Variants in GPR108 observed in about 807,000 individuals in gnomAD.
The protein encoded by GPR108 is protein GPR108.
In GPR108, 60 loss-of-function variants were observed where a neutral mutation model predicts 74.3. The observed-to-expected ratio is 0.81, with a 90% CI of 0.66 to 1.00. The LOEUF (loss-of-function observed/expected upper bound fraction) is 1.00, where lower values mean the gene tolerates loss of function less well. Ranked by LOEUF, GPR108 falls within the 50% of genes least tolerant of loss-of-function variation. The pLI is 0.00. For missense variants in GPR108, 667 were observed against 703.3 expected (o/e 0.95, Z 0.58); for synonymous variants, 311 against 292.4 (o/e 1.06, Z -0.65).
chr19:6,737,260 A>AGGCGGACCCGGCAACTCCATCC (rs1335366020), intron 1 of GPR108, 197 bp downstream of exon 1: 1 of 647,558 alleles, frequency 1.5e-6, no homozygotes, highest in Non-Finnish European at 2.5e-6. Context: ...GACCCCAGCG[A>AGGCGGACCCGGCAACTCCATCC]GGCGGACCCG....
rs533645688 is a variant in GPR108 at position 6,733,683 on chromosome 19, G to C, written c.619-9C>G. The stretch of plus-strand genomic sequence containing the variant: ...CCGATCACCACGTGGAACTGGGCGG[G>C]CGGGGAGAGAGGAGGGCTCAGCCTG... On this transcript the variant is annotated splice_polypyrimidine_tract_variant and intron_variant, in intron 7 of 17. Transcript: ENST00000264080. 1 of 1,613,162 alleles carries C rather than the reference G, an allele frequency of 6.2e-7. No individual in the cohort carries two copies. Among genetic ancestry groups the C allele is most frequent in the African/African-American group, 1.3e-5 (1 of 75,050 alleles).
At chr19:6,733,343 C>G in intron 8 of GPR108, 42 bp from the exon 9 acceptor site, 1 of 1,594,696 alleles carries the variant, frequency 6.3e-7, no homozygotes, top group Admixed American at 1.7e-5. Context: ...GGGCACAGCC[C>G]GACCGCTGGC....
Position 6,730,221 on chromosome 19 carries a change from C to G in GPR108, c.*91G>C, listed in dbSNP as rs778622249. ...AGCTGGGCGCCTGGTCCACATGGAC[C>G]CCCTCCACCTCCCCACATACGCTGT... On this transcript the variant is annotated 3_prime_UTR_variant, in exon 18 of 18. Transcript: ENST00000264080. 2.4e-6 allele frequency: 3 copies of G among 1,258,040 alleles called. No homozygotes were observed. The highest frequency in any genetic ancestry group is 3.5e-6 in the Non-Finnish European group (3 of 859,842). 77.9% of individuals were successfully genotyped at this position (1,258,040 alleles called of 1,614,324 possible). A position where few individuals can be genotyped will look rare whatever the true frequency, so the allele number is the denominator to read the frequency against.
chr19:6,733,461 T>C, intron 8 of GPR108, 109 bp downstream of exon 8: 2 of 1,336,720 alleles, frequency 1.5e-6, no homozygotes, highest in Non-Finnish European at 2.1e-6. Context: ...TAACAGCTCC[T>C]ACTTCGCACC....
Position 6,730,307 on chromosome 19 carries a change from G to A in GPR108, c.*5C>T, listed in dbSNP as rs1865247664. On this transcript the variant is annotated 3_prime_UTR_variant, in exon 18 of 18. Coordinates refer to ENST00000264080, the MANE Select transcript of GPR108 (RefSeq NM_001080452.2). ...ACGACCCTTTGGTCTGAGATGTGGA[G>A]GTGATCATAACAGTTCCCGCCCGCT... The A allele has an allele frequency of 9.9e-6, 16 of 1,612,776 alleles. No individual in the cohort carries two copies. Among genetic ancestry groups the A allele is most frequent in the Non-Finnish European group, 1.4e-5 (16 of 1,178,916 alleles).
chr19:6,734,038 G>A lies in GPR108; in HGVS notation c.516C>T (p.Ala172=). The change falls in exon 6 of 18, where the codon GCC becomes GCT. Residue 172 remains alanine, a synonymous_variant. Transcript: ENST00000264080. The stretch of plus-strand genomic sequence containing the variant: ...CTGCGGGTGTTGACTTGGGCTTGCT[G>A]GCTGCAGAGGTCCCTCCTGTAAGAG... ...RKVDGGGTSA[A]SKPKSTPAVI... is the part of the protein sequence containing the mutation. 1 of 1,614,172 alleles carries A rather than the reference G, an allele frequency of 6.2e-7. No homozygotes were observed. Among genetic ancestry groups the A allele is most frequent in the Non-Finnish European group, 8.5e-7 (1 of 1,180,026 alleles).
At position 6,733,303 on chromosome 19, in the gene GPR108, T is replaced by C. The variant is rs1427686165; in HGVS notation, c.724-2A>G. 1 of 1,612,618 alleles carries C rather than the reference T, an allele frequency of 6.2e-7. No individual in the cohort carries two copies. The highest frequency in any genetic ancestry group is 1.1e-5 in the South Asian group (1 of 90,990). ...GGGGTTCTTCTCCCGGATCATCACC[T>C]GCGGAGGGGGCAGTGGTGGGCGGCG... On this transcript the variant is annotated splice_acceptor_variant, in intron 8 of 17. Coordinates refer to ENST00000264080, the MANE Select transcript of GPR108 (RefSeq NM_001080452.2). LOFTEE classifies it high-confidence loss of function.
At position 6,733,094 on chromosome 19, in the gene GPR108, CG is replaced by C. The variant is rs763547566; in HGVS notation, c.858-33del. 9.9e-6 allele frequency: 16 copies of C among 1,612,740 alleles called. 1 individual carries two copies. The South Asian group carries it at 1.8e-4, about 18-fold the overall frequency. On this transcript the variant is annotated intron_variant, in intron 9 of 17. Coordinates refer to ENST00000264080, the MANE Select transcript of GPR108 (RefSeq NM_001080452.2). ...GGAGGGTCAGGGAGAGATGGGGGTGCGGGGCATCAGCAGAGCATAGGGATGG... is the reference window on the plus strand; with the variant it reads ...GGAGGGTCAGGGAGAGATGGGGGTGCGGGCATCAGCAGAGCATAGGGATGG...
rs755418138 is a variant in GPR108 at position 6,737,523 on chromosome 19, C to T, written c.54G>A (p.Gly18=). ...GLGRGSPAEW[G]QRLLLVLLLG... ...GCAGCAGCACCAGAAGTAGCCGCTG[C>T]CCCCACTCCGCGGGGCTCCCGCGGC... is the stretch of plus-strand genomic sequence containing the variant. Residue 18 remains glycine (G), a synonymous_variant, in exon 1 of 18, where the codon GGG becomes GGA. Transcript: ENST00000264080. 5.7e-6 allele frequency: 9 copies of T among 1,570,964 alleles called. No homozygotes were observed. In the South Asian group the frequency reaches 1.0e-4, roughly 18 times the overall value.
At chr19:6,734,132 A>G in intron 5 of GPR108, 51 bp downstream of exon 5, 3 of 1,614,148 alleles carry the variant, frequency 1.9e-6, no homozygotes, top group East Asian at 2.2e-5. Context: ...TGGGGAGTGC[A>G]AAGGGCAGAC....
In GPR108 at chr19:6,733,073, G is replaced by A; in HGVS notation, c.858-11C>T. On this transcript the variant is annotated splice_polypyrimidine_tract_variant and intron_variant, in intron 9 of 17. Transcript: ENST00000264080. ...TTGAAGACGCTGTACCTGGTGGGAG[G>A]GTCAGGGAGAGATGGGGGTGCGGGG... is the stretch of plus-strand genomic sequence containing the variant. The A allele has an allele frequency of 1.9e-6, 3 of 1,613,814 alleles. No individual in the cohort carries two copies. Among genetic ancestry groups the A allele is most frequent in the Non-Finnish European group, 2.5e-6 (3 of 1,179,918 alleles).
chr19:6,736,176 C>G (rs1298560378), intron 2 of GPR108, among the ~76,000 whole-genome samples: 1 of 152,200 alleles, frequency 6.6e-6, no homozygotes, highest in Non-Finnish European at 1.5e-5. Flanking sequence ...CTCACTACAG[C>G]CTCGAACTCC....
At position 6,730,009 on chromosome 19, in the gene GPR108, C is replaced by A; in HGVS notation, c.*303G>T. 2.5e-6 allele frequency: 1 copy of A among 399,050 alleles called. No homozygotes were observed. The highest frequency in any genetic ancestry group is 4.6e-6 in the Non-Finnish European group (1 of 217,116). The allele number at this position is 399,050 out of a possible 1,614,324, so 24.7% of individuals were successfully genotyped here. A position where few individuals can be genotyped will look rare whatever the true frequency, so the allele number is the denominator to read the frequency against. On this transcript the variant is annotated 3_prime_UTR_variant, in exon 18 of 18. Coordinates refer to ENST00000264080, the MANE Select transcript of GPR108 (RefSeq NM_001080452.2). ...AAAACAGGTTTCTACATTGTAAACA[C>A]AACCTCCGTGTAGACCCCAACCCCC...
chr19:6,736,919 G>A (rs1400507216), intron 1 of GPR108: 2 of 638,714 alleles, frequency 3.1e-6, no homozygotes, highest in African/African-American at 1.8e-5. Flanking sequence ...TGAGAACCCA[G>A]GAACAGAGAT....
chr19:6,733,469 A>T, intron 8 of GPR108, 101 bp downstream of exon 8: 1 of 1,377,830 alleles, frequency 7.3e-7, no homozygotes, highest in East Asian at 2.3e-5. Flanking sequence ...CCTACTTCGC[A>T]CCCGGGAGGG....
At chr19:6,735,806 C>A in intron 3 of GPR108, 102 bp from the exon 4 acceptor site, 1 of 1,523,890 alleles carries the variant, frequency 6.6e-7, no homozygotes, top group Non-Finnish European at 9.0e-7. Flanking sequence ...CCTGCTCCTG[C>A]CTCTGACAAA....
intron 14 of GPR108, among the ~76,000 whole-genome samples, 176 bp from the exon 15 acceptor site, chr19:6,731,698 G>C (rs1045336505): frequency 6.6e-6 from 1 of 151,888 alleles, no homozygotes; most frequent in Admixed American, 6.6e-5. Flanking sequence ...AGAGAGGAGG[G>C]AAGGGCCACC....
chr19:6,737,096 C>G, intron 1 of GPR108: 1 of 387,802 alleles, frequency 2.6e-6, no homozygotes, highest in Non-Finnish European at 4.7e-6. Context: ...CCCAGAGGAC[C>G]CCACTCTATA....
At chr19:6,736,032 T>A (rs778833566) in intron 2 of GPR108, 74 bp from the exon 3 acceptor site, 9 of 1,337,590 alleles carry the variant, frequency 6.7e-6, no homozygotes, top group East Asian at 2.5e-5. Context: ...TCAGTAGCAA[T>A]AGAAACCTAA....
Sources: gnomAD v4.1 joint callset for allele counts (sites outside exome capture counted in the v4.1 genomes callset) on GRCh38, gnomAD v4.1.1 for gene constraint, MANE v1.5 for transcripts, NCBI Gene and HGNC (gene_info 2026-07-23, HGNC 2026-07-21) for gene names.